Variants in ADAMTS6 observed in about 807,000 individuals in gnomAD.
ADAMTS6 encodes ADAM metallopeptidase with thrombospondin type 1 motif 6, also known as A disintegrin and metalloproteinase with thrombospondin motifs 6.
ADAMTS6 carries 23 observed loss-of-function variants against 144.3 expected under a neutral mutation model. The ratio of observed to expected loss-of-function variants is 0.16; its 90% CI spans 0.11 to 0.23. The LOEUF (loss-of-function observed/expected upper bound fraction) is 0.23, where lower values mean the gene tolerates loss of function less well. Among genes scored for constraint, ADAMTS6 ranks in the 10% least tolerant of loss-of-function variants. ADAMTS6 has a pLI of 1.00. For synonymous variants in ADAMTS6, 444 were observed against 457.5 expected, an observed-to-expected ratio of 0.97 and a Z score of 0.38; for missense variants, 999 against 1,379.6, an observed-to-expected ratio of 0.72 and a Z score of 4.37.
chr5:65,188,530 C>G (rs1020604821), intron 21 of ADAMTS6, among the ~76,000 whole-genome samples: 2 of 152,086 alleles, frequency 1.3e-5, no homozygotes, highest in Non-Finnish European at 2.9e-5. Flanking sequence ...AAAATTGTCA[C>G]GAGGGTTAAA....
chr5:65,309,728 C>T (rs1360303435), intron 9 of ADAMTS6, among the ~76,000 whole-genome samples: 1 of 152,144 alleles, frequency 6.6e-6, no homozygotes, highest in Admixed American at 6.5e-5. Context: ...ATTAACTACA[C>T]AAGACAGCAG....
At chr5:65,336,441 A>T (rs1481750829) in intron 7 of ADAMTS6, among the ~76,000 whole-genome samples, 1 of 152,098 alleles carries the variant, frequency 6.6e-6, no homozygotes, top group African/African-American at 2.4e-5. Context: ...TTTCAGAAGC[A>T]CTGCCCCACT....
At chr5:65,454,470 T>C (rs1759030820) in intron 4 of ADAMTS6, among the ~76,000 whole-genome samples, 2 of 152,294 alleles carry the variant, frequency 1.3e-5, no homozygotes, top group African/African-American at 4.8e-5. Flanking sequence ...ATAGTGTTTC[T>C]CTATATCCAA....
chr5:65,390,605 G>T (rs777862621), intron 7 of ADAMTS6, among the ~76,000 whole-genome samples: 1 of 152,148 alleles, frequency 6.6e-6, no homozygotes, highest in African/African-American at 2.4e-5. Flanking sequence ...GTTCTAAAAG[G>T]AAAGACAATA....
intron 15 of ADAMTS6, among the ~76,000 whole-genome samples, chr5:65,228,851 T>A (rs1757920638): frequency 6.6e-6 from 1 of 152,152 alleles, no homozygotes. Context: ...CATGGCTGAG[T>A]GGTTGGAAGA....
At chr5:65,264,808 G>T (rs912466935) in intron 12 of ADAMTS6, among the ~76,000 whole-genome samples, 9 of 152,056 alleles carry the variant, frequency 5.9e-5, no homozygotes, top group African/African-American at 2.2e-4. Context: ...GCCTAGAATA[G>T]CACTTGGCAT....
At chr5:65,288,722 AAT>A (rs1279263438) in intron 11 of ADAMTS6, among the ~76,000 whole-genome samples, 18 of 152,130 alleles carry the variant, frequency 1.2e-4, no homozygotes, top group Non-Finnish European at 2.5e-4. Flanking sequence ...TCCTCTCAAA[AAT>A]TCTAAAATAT....
intron 7 of ADAMTS6, among the ~76,000 whole-genome samples, chr5:65,438,613 T>C (rs1757634166): frequency 6.6e-6 from 1 of 152,190 alleles, no homozygotes; most frequent in African/African-American, 2.4e-5. Context: ...AAAACTATAG[T>C]TGAATCCATC....
intron 7 of ADAMTS6, among the ~76,000 whole-genome samples, chr5:65,376,889 T>C (rs72760562): frequency 0.054 from 8,229 of 152,076 alleles, 274 homozygotes; most frequent in East Asian, 0.11. Flanking sequence ...CTTTCCAGAT[T>C]ATGTAAAATA....
At chr5:65,289,897 G>C (rs144340867) in intron 11 of ADAMTS6, among the ~76,000 whole-genome samples, 1 of 151,996 alleles carries the variant, frequency 6.6e-6, no homozygotes, top group Admixed American at 6.6e-5. Context: ...GTATTAATCC[G>C]TAAGTATATA....
intron 15 of ADAMTS6, among the ~76,000 whole-genome samples, chr5:65,229,537 A>C (rs1757977083): frequency 6.6e-6 from 1 of 152,194 alleles, no homozygotes; most frequent in Non-Finnish European, 1.5e-5. Context: ...GCTATAAGAG[A>C]ACACAGACAA....
rs1173583485 is a variant in ADAMTS6, at chr5:65,337,402, T to C, written c.1074-3317A>G. 3.3e-5 allele frequency among the ~76,000 whole-genome samples: 5 copies of C among 152,136 alleles called. No homozygotes were observed. The East Asian group carries it at 7.7e-4, about 23-fold the overall frequency. ...AATTTCTTTTTTGTGGGATATTTCT[T>C]ACTCTATTCATTCTCTTATTCCTAT... On this transcript the variant is annotated intron_variant, in intron 7 of 24. Coordinates refer to ENST00000381055, the MANE Select transcript of ADAMTS6 (RefSeq NM_197941.4).
At chr5:65,368,055 A>T (rs1027478781) in intron 7 of ADAMTS6, among the ~76,000 whole-genome samples, 1 of 152,178 alleles carries the variant, frequency 6.6e-6, no homozygotes, top group African/African-American at 2.4e-5. Flanking sequence ...AAAACTCAGA[A>T]GATTTACAGG....
intron 12 of ADAMTS6, among the ~76,000 whole-genome samples, chr5:65,271,914 T>A (rs1361676404): frequency 1.3e-5 from 2 of 152,206 alleles, no homozygotes; most frequent in South Asian, 4.1e-4. Flanking sequence ...TGCATGAATT[T>A]CTTTGTATTT....
chr5:65,421,861 G>C (rs1756073833), intron 7 of ADAMTS6, among the ~76,000 whole-genome samples: 1 of 152,114 alleles, frequency 6.6e-6, no homozygotes, highest in Non-Finnish European at 1.5e-5. Context: ...AAAATTTCTA[G>C]AAGAAAACCT....
intron 10 of ADAMTS6, among the ~76,000 whole-genome samples, chr5:65,299,517 A>G (rs1743163006): frequency 6.6e-6 from 1 of 152,298 alleles, no homozygotes; most frequent in South Asian, 2.1e-4. Context: ...CGCTTAATAC[A>G]CTTTCAAAAA....
intron 7 of ADAMTS6, among the ~76,000 whole-genome samples, chr5:65,352,608 T>C (rs1226835918): frequency 6.6e-6 from 1 of 152,050 alleles, no homozygotes; most frequent in Non-Finnish European, 1.5e-5. Flanking sequence ...ATAGATCAGA[T>C]GACTCTAAAA....
intron 24 of ADAMTS6, among the ~76,000 whole-genome samples, chr5:65,169,747 G>A (rs1373280001): frequency 6.6e-6 from 1 of 151,826 alleles, no homozygotes; most frequent in Non-Finnish European, 1.5e-5. Context: ...GGACATGGAT[G>A]AAATTGGAAA....
chr5:65,310,572 T>C (rs1310220394), intron 9 of ADAMTS6, among the ~76,000 whole-genome samples: 3 of 152,188 alleles, frequency 2.0e-5, no homozygotes, highest in Non-Finnish European at 4.4e-5. Context: ...TAAATTGTTA[T>C]TTTATCTCTG....
Sources: gnomAD v4.1 joint callset for allele counts (sites outside exome capture counted in the v4.1 genomes callset) on GRCh38, gnomAD v4.1.1 for gene constraint, MANE v1.5 for transcripts, NCBI Gene and HGNC (gene_info 2026-07-23, HGNC 2026-07-21) for gene names.